The following ALPI variants were observed in gnomAD, a reference collection of about 807,000 sequenced individuals.
ALPI encodes alkaline phosphatase, intestinal, also known as intestinal-type alkaline phosphatase.
Under a neutral mutation model 51.5 loss-of-function variants are expected in ALPI, and 50 were observed. The observed-to-expected ratio is 0.97, with a 90% CI of 0.77 to 1.23. The LOEUF is 1.23. Among genes scored for constraint, ALPI ranks in the 50% most tolerant of loss-of-function variants. ALPI has a pLI of 0.00. For synonymous variants in ALPI, 322 were observed against 308.2 expected (o/e 1.04, Z -0.47); for missense variants, 692 against 722.4 (o/e 0.96, Z 0.48).
At chr2:232,458,170 C>T (rs756787200) in intron 8 of ALPI, 38 bp downstream of exon 8, 36 of 1,613,330 alleles carry the variant, frequency 2.2e-5, no homozygotes, top group South Asian at 5.5e-5. Flanking sequence ...GAAGGCGGGG[C>T]GCGGCAGGGC....
chr2:232,459,431 T>G lies in ALPI; in HGVS notation c.*285T>G. 1 of 445,368 alleles carries G rather than the reference T, an allele frequency of 2.2e-6. No individual in the cohort carries two copies. The highest frequency in any genetic ancestry group is 4.0e-6 in the Non-Finnish European group (1 of 247,192). 27.6% of individuals were successfully genotyped at this position (445,368 alleles called of 1,614,324 possible). ...CCCAACCCCAGAGACTGCAGATTTG[T>G]GCCATGCGGCTGCCTGCACCCCAGA... On this transcript the variant is annotated 3_prime_UTR_variant, in exon 11 of 11. Transcript: ENST00000295463.
At position 232,458,909 on chromosome 2, in the gene ALPI, C is replaced by A. The variant is rs774467960; in HGVS notation, c.1350C>A (p.Thr450=). The part of the protein sequence containing the change: ...QQAAVPLSSE[T]HGGEDVAVFA... ...CGGCGGTGCCCCTGTCGTCCGAGAC[C>A]CACGGAGGCGAAGACGTGGCGGTGT... is the stretch of plus-strand genomic sequence containing the variant. The change falls in exon 11 of 11, where the codon ACC becomes ACA. Residue 450 remains threonine, a synonymous_variant. Transcript: ENST00000295463. 3 of 1,610,438 alleles carry A rather than the reference C, an allele frequency of 1.9e-6. No individual in the cohort carries two copies. Among genetic ancestry groups the A allele is most frequent in the Non-Finnish European group, 2.5e-6 (3 of 1,179,160 alleles).
In ALPI at chr2:232,458,929, C is replaced by A. The variant is rs759852158; in HGVS notation, c.1370C>A (p.Ala457Glu). Residue 457 changes from alanine to glutamate, a missense_variant, in exon 11 of 11, where the codon GCG becomes GAG. Coordinates refer to ENST00000295463, the MANE Select transcript of ALPI (RefSeq NM_001631.5). ...GAGACCCACGGAGGCGAAGACGTGG[C>A]GGTGTTTGCGCGCGGCCCGCAGGCG... ...SSETHGGEDV[A>E]VFARGPQAHL... The A allele has an allele frequency of 6.2e-7, 1 of 1,608,314 alleles. No homozygotes were observed. Among genetic ancestry groups the A allele is most frequent in the East Asian group, 2.2e-5 (1 of 44,552 alleles).
chr2:232,457,125 C>T lies in ALPI; in HGVS notation c.476-25C>T, dbSNP rs375515032. 161 of 1,613,406 alleles carry T rather than the reference C, an allele frequency of 1.0e-4. 2 individuals are homozygous for T. The highest frequency in any genetic ancestry group is 4.1e-4 in the South Asian group (37 of 91,074). ...GGACCAGGCCCAAGATCTCGGTCAC[C>T]GATCCTGACCTCTGTCACCCTCAGG... On this transcript the variant is annotated intron_variant, in intron 4 of 10. Coordinates refer to ENST00000295463, the MANE Select transcript of ALPI (RefSeq NM_001631.5). The surrounding 1 kb of genome is among the most constrained non-coding windows in gnomAD (Gnocchi z 4.7).
rs781110431 is a variant in ALPI, at chr2:232,458,948, G to A, written c.1389G>A (p.Pro463=). 2.9e-5 allele frequency: 46 copies of A among 1,601,188 alleles called. No individual in the cohort carries two copies. Among genetic ancestry groups the A allele is most frequent in the Non-Finnish European group, 3.9e-5 (46 of 1,174,550 alleles). The change falls in exon 11 of 11, where the codon CCG becomes CCA. Residue 463 remains proline, a synonymous_variant. Transcript: ENST00000295463. ...ACGTGGCGGTGTTTGCGCGCGGCCCGCAGGCGCACCTGGTGCATGGTGTGC... is the reference window on the plus strand; with the variant it reads ...ACGTGGCGGTGTTTGCGCGCGGCCCACAGGCGCACCTGGTGCATGGTGTGC... The part of the protein sequence containing the change: ...GEDVAVFARG[P]QAHLVHGVQE...
rs1279159025 is a variant in ALPI, at chr2:232,459,203, C to T, written c.*57C>T. The stretch of plus-strand genomic sequence containing the variant: ...CCTCCGGGCGTCCTGCCCTGTTCCC[C>T]GTCCTGAGCCGCCACTTCCAGCGAA... On this transcript the variant is annotated 3_prime_UTR_variant, in exon 11 of 11. Transcript: ENST00000295463. 2 of 1,483,364 alleles carry T rather than the reference C, an allele frequency of 1.3e-6. No homozygotes were observed. The highest frequency in any genetic ancestry group is 1.8e-6 in the Non-Finnish European group (2 of 1,122,022). 91.9% of individuals were successfully genotyped at this position (1,483,364 alleles called of 1,614,324 possible).
rs1690221303 is a variant in ALPI, at chr2:232,457,601, A to T, written c.685A>T (p.Met229Leu). Residue 229 changes from methionine to leucine, a missense_variant, in exon 6 of 11, where the codon ATG (methionine) becomes TTG (leucine). Physicochemically the swap from Met to Leu is conservative, Grantham distance 15 (BLOSUM62 2). Transcript: ENST00000295463. The surrounding 1 kb of genome is among the most constrained non-coding windows in gnomAD (Gnocchi z 4.7). The stretch of plus-strand genomic sequence containing the variant: ...CGGAGGCCGCAAGTACATGTTTCCC[A>T]TGGGGACCCCAGACCCTGAGTACCC... Reference protein sequence around the residue: ...LGGGRKYMFPMGTPDPEYPAD... With the variant: ...LGGGRKYMFPLGTPDPEYPAD... 2 of 1,613,828 alleles carry T rather than the reference A, an allele frequency of 1.2e-6. No homozygotes were observed. Among genetic ancestry groups the T allele is most frequent in the Non-Finnish European group, 1.7e-6 (2 of 1,179,852 alleles).
rs540160192 is a variant in ALPI at position 232,458,088 on chromosome 2, G to A, written c.947G>A (p.Arg316His). Reference sequence around the variant, plus strand: ...ATGGAGATGACAGAGGCTGCCCTGCGCCTGCTGAGCAGGAACCCCCGCGGC... The same window carrying A: ...ATGGAGATGACAGAGGCTGCCCTGCACCTGCTGAGCAGGAACCCCCGCGGC... The part of the protein sequence containing the change: ...SLMEMTEAAL[R>H]LLSRNPRGFY... Residue 316 changes from arginine (R) to histidine (H), a missense_variant, in exon 8 of 11, where the codon CGC (arginine) becomes CAC (histidine). Arg to His is a conservative substitution (Grantham distance 29). Transcript: ENST00000295463. The A allele has an allele frequency of 6.2e-6, 10 of 1,613,808 alleles. No homozygotes were observed. Among genetic ancestry groups the A allele is most frequent in the East Asian group, 4.5e-5 (2 of 44,832 alleles).
Position 232,458,764 on chromosome 2 carries a change from T to C in ALPI, c.1300+16T>C, listed in dbSNP as rs763207118. 1.9e-6 allele frequency: 3 copies of C among 1,613,330 alleles called. No individual in the cohort carries two copies. Among genetic ancestry groups the C allele is most frequent in the African/African-American group, 1.3e-5 (1 of 74,878 alleles). ...AGCGAGAGCGGTGAGTGAGGCTGAA[T>C]GGCCCGTGCAGGGGGACCAGGGTGC... On this transcript the variant is annotated intron_variant, in intron 10 of 10. Coordinates refer to ENST00000295463, the MANE Select transcript of ALPI (RefSeq NM_001631.5).
Position 232,459,221 on chromosome 2 carries a change from C to A in ALPI, c.*75C>A. On this transcript the variant is annotated 3_prime_UTR_variant, in exon 11 of 11. Coordinates refer to ENST00000295463, the MANE Select transcript of ALPI (RefSeq NM_001631.5). ...TGTTCCCCGTCCTGAGCCGCCACTT[C>A]CAGCGAACACACACAGGTGTCCTGC... The A allele has an allele frequency of 6.8e-7, 1 of 1,469,742 alleles. No individual in the cohort carries two copies. Among genetic ancestry groups the A allele is most frequent in the Non-Finnish European group, 9.0e-7 (1 of 1,112,632 alleles). The allele number at this position is 1,469,742 out of a possible 1,614,324, so 91.0% of individuals were successfully genotyped here. A position where few individuals can be genotyped will look rare whatever the true frequency, so the allele number is the denominator to read the frequency against.
At position 232,456,794 on chromosome 2, in the gene ALPI, G is replaced by T. The variant is rs1383923939; in HGVS notation, c.300+99G>T. ...GGGAGCCAGGACAGCTGGGGCCTAAGTTAGGAGCTGGGAGCAGTTAGGATC... is the reference window on the plus strand; with the variant it reads ...GGGAGCCAGGACAGCTGGGGCCTAATTTAGGAGCTGGGAGCAGTTAGGATC... On this transcript the variant is annotated intron_variant, in intron 3 of 10. Transcript: ENST00000295463. This position sits in a 1 kb window ranked among gnomAD's most constrained non-coding sequence, Gnocchi z 4.2. The T allele has an allele frequency of 6.4e-7, 1 of 1,554,582 alleles. No homozygotes were observed. Among genetic ancestry groups the T allele is most frequent in the African/African-American group, 1.4e-5 (1 of 73,428 alleles).
chr2:232,458,562 T>C (rs1009242857), intron 9 of ALPI, 70 bp from the exon 10 acceptor site: 2 of 1,554,808 alleles, frequency 1.3e-6, no homozygotes, highest in South Asian at 2.3e-5. Context: ...AAAGTGGCGG[T>C]GCCTGGCACA....
chr2:232,456,256 C>T lies in ALPI; in HGVS notation c.57C>T (p.Gly19=), dbSNP rs769347885. The change falls in exon 1 of 11, where the codon GGC becomes GGT. Residue 19 remains glycine (G), a synonymous_variant. Coordinates refer to ENST00000295463, the MANE Select transcript of ALPI (RefSeq NM_001631.5). The surrounding 1 kb of genome is among the most constrained non-coding windows in gnomAD (Gnocchi z 4.2). ...LLGLRLQLSL[G]VIPAEEENPA... is the part of the protein sequence containing the mutation. ...GCCTGAGGCTACAGCTCTCCCTGGG[C>T]GTCATCCCAGGTAATGAGGCTCCCC... The T allele has an allele frequency of 8.1e-6, 13 of 1,613,882 alleles. No individual in the cohort carries two copies. The highest frequency in any genetic ancestry group is 1.7e-5 in the Admixed American group (1 of 59,986).
rs1690180284 is a variant in ALPI, at chr2:232,456,222, T to C, written c.23T>C (p.Leu8Pro). The C allele has an allele frequency of 6.2e-7, 1 of 1,613,690 alleles. No individual in the cohort carries two copies. Among genetic ancestry groups the C allele is most frequent in the African/African-American group, 1.3e-5 (1 of 74,908 alleles). The change falls in exon 1 of 11, where the codon CTG (leucine) becomes CCG (proline). Residue 8 changes from leucine (L) to proline (P), a missense_variant. Physicochemically the swap from Leu to Pro is moderately conservative, Grantham distance 98. Coordinates refer to ENST00000295463, the MANE Select transcript of ALPI (RefSeq NM_001631.5). The surrounding 1 kb of genome is among the most constrained non-coding windows in gnomAD (Gnocchi z 4.2). MQGPWVL[L>P]LLGLRLQLSL... ...GACATGCAGGGGCCCTGGGTGCTGC[T>C]GCTGCTGGGCCTGAGGCTACAGCTC...
rs760141377 is a variant in ALPI at position 232,459,015 on chromosome 2, T to C, written c.1456T>C (p.Cys486Arg). The C allele has an allele frequency of 1.3e-6, 2 of 1,565,290 alleles. No homozygotes were observed. The highest frequency in any genetic ancestry group is 2.3e-5 in the South Asian group (2 of 85,632). Residue 486 changes from cysteine to arginine, a missense_variant, in exon 11 of 11, where the codon TGT becomes CGT. Transcript: ENST00000295463. Reference protein sequence around the residue: ...FVAHVMAFAACLEPYTACDLA... With the variant: ...FVAHVMAFAARLEPYTACDLA... ...AGCGCATGTCATGGCCTTCGCTGCC[T>C]GTCTGGAGCCCTACACGGCCTGCGA...
Position 232,457,747 on chromosome 2 carries a change from T to C in ALPI, c.783+48T>C, listed in dbSNP as rs779212935. On this transcript the variant is annotated intron_variant, in intron 6 of 10. Transcript: ENST00000295463. This position sits in a 1 kb window ranked among gnomAD's most constrained non-coding sequence, Gnocchi z 4.7. ...GGAGGCACGGCAGGGGGAGGCCAAGTGTGTGGGTCTCAGGGCTGTGGGCTG... is the reference window on the plus strand; with the variant it reads ...GGAGGCACGGCAGGGGGAGGCCAAGCGTGTGGGTCTCAGGGCTGTGGGCTG... 5.0e-6 allele frequency: 8 copies of C among 1,611,284 alleles called. No homozygotes were observed. The African/African-American group carries it at 9.4e-5, about 19-fold the overall frequency.
Position 232,458,140 on chromosome 2 carries a change from G to C in ALPI, c.991+8G>C. The stretch of plus-strand genomic sequence containing the variant: ...TCTACCTCTTTGTGGAGGGTGCGTG[G>C]TGGCCCCTGGGGAGTGGAGGAAGGC... On this transcript the variant is annotated splice_region_variant and intron_variant, in intron 8 of 10. Coordinates refer to ENST00000295463, the MANE Select transcript of ALPI (RefSeq NM_001631.5). 6.2e-7 allele frequency: 1 copy of C among 1,614,054 alleles called. No homozygotes were observed. The highest frequency in any genetic ancestry group is 1.3e-5 in the African/African-American group (1 of 75,030).
In ALPI at chr2:232,457,740, G is replaced by A. The variant is rs755847941; in HGVS notation, c.783+41G>A. 3.1e-6 allele frequency: 5 copies of A among 1,611,222 alleles called. No individual in the cohort carries two copies. The highest frequency in any genetic ancestry group is 1.7e-5 in the Admixed American group (1 of 59,910). On this transcript the variant is annotated intron_variant, in intron 6 of 10. Coordinates refer to ENST00000295463, the MANE Select transcript of ALPI (RefSeq NM_001631.5). This position sits in a 1 kb window ranked among gnomAD's most constrained non-coding sequence, Gnocchi z 4.7. ...GGGTGTGGGAGGCACGGCAGGGGGAGGCCAAGTGTGTGGGTCTCAGGGCTG... is the reference window on the plus strand; with the variant it reads ...GGGTGTGGGAGGCACGGCAGGGGGAAGCCAAGTGTGTGGGTCTCAGGGCTG...
In ALPI at chr2:232,457,654, G is replaced by C. The variant is rs1690222078; in HGVS notation, c.738G>C (p.Arg246Ser). Residue 246 changes from arginine to serine, a missense_variant, in exon 6 of 11, where the codon AGG (arginine) becomes AGC (serine). By Grantham distance (110) the Arg-to-Ser change is moderately radical. Transcript: ENST00000295463. This position sits in a 1 kb window ranked among gnomAD's most constrained non-coding sequence, Gnocchi z 4.7. ...YPADASQNGI[R>S]LDGKNLVQEW... The stretch of plus-strand genomic sequence containing the variant: ...CTGATGCCAGCCAGAATGGAATCAG[G>C]CTGGACGGGAAGAACCTGGTGCAGG... 6.2e-7 allele frequency: 1 copy of C among 1,614,002 alleles called. No homozygotes were observed. Among genetic ancestry groups the C allele is most frequent in the Non-Finnish European group, 8.5e-7 (1 of 1,179,900 alleles).
Sources: allele counts gnomAD v4.1 joint callset, GRCh38; gene constraint gnomAD v4.1.1; non-coding constraint Gnocchi (gnomAD v3.1); transcripts MANE v1.5; gene names NCBI Gene and HGNC (gene_info 2026-07-23, HGNC 2026-07-21).